HERPUD2: variants seen among roughly 807,000 people sequenced by gnomAD.
The protein encoded by HERPUD2 is HERPUD family member 2.
Under a neutral mutation model 49.9 loss-of-function variants are expected in HERPUD2, and 13 were observed. That is an observed-to-expected ratio of 0.26 (90% CI 0.17 to 0.41). HERPUD2 has a LOEUF of 0.41. Among genes scored for constraint, HERPUD2 ranks in the 10% least tolerant of loss-of-function variants. The pLI is 1.00. For synonymous variants in HERPUD2, 172 were observed against 171.4 expected, an observed-to-expected ratio of 1.00 and a Z score of -0.03; for missense variants, 449 against 492.2, an observed-to-expected ratio of 0.91 and a Z score of 0.83.
intron 5 of HERPUD2, among the ~76,000 whole-genome samples, chr7:35,648,413 A>G (rs1338617817): frequency 6.6e-6 from 1 of 152,192 alleles, no homozygotes; most frequent in African/African-American, 2.4e-5. Flanking sequence ...TACCTGGCTC[A>G]TAACAGTAGA....
intron 2 of HERPUD2, among the ~76,000 whole-genome samples, chr7:35,688,437 A>G (rs986066568): frequency 1.3e-5 from 2 of 152,216 alleles, no homozygotes; most frequent in African/African-American, 4.8e-5. Context: ...GATATATGAT[A>G]TTCACACACC....
At chr7:35,662,152 T>C (rs1049357533) in intron 5 of HERPUD2, among the ~76,000 whole-genome samples, 3 of 152,244 alleles carry the variant, frequency 2.0e-5, no homozygotes, top group African/African-American at 7.2e-5. Context: ...CTGTCTTTAG[T>C]TCTGTTTATA....
chr7:35,662,992 C>A (rs1372831533), intron 5 of HERPUD2, among the ~76,000 whole-genome samples: 6 of 152,202 alleles, frequency 3.9e-5, no homozygotes, highest in Non-Finnish European at 7.3e-5. Flanking sequence ...CTCCTGCTTT[C>A]TCTTGTGGGC....
intron 6 of HERPUD2, among the ~76,000 whole-genome samples, chr7:35,637,541 T>C (rs920681501): frequency 1.3e-5 from 2 of 152,174 alleles, no homozygotes; most frequent in Non-Finnish European, 2.9e-5. Flanking sequence ...CATTCCCCTA[T>C]GGAAATCTTC....
intron 2 of HERPUD2, among the ~76,000 whole-genome samples, chr7:35,678,241 A>T (rs1252405837): frequency 1.1e-4 from 6 of 56,908 alleles, no homozygotes; most frequent in African/African-American, 1.9e-4. Context: ...CACATTATTA[A>T]AAAAAAAAAA....
At chr7:35,634,203 C>A in intron 8 of HERPUD2, 109 bp downstream of exon 8, 2 of 714,520 alleles carry the variant, frequency 2.8e-6, no homozygotes, top group South Asian at 3.9e-5. Context: ...CTTTCATGTG[C>A]CATTTCACAA....
intron 5 of HERPUD2, among the ~76,000 whole-genome samples, chr7:35,659,671 C>A (rs907410102): frequency 1.3e-4 from 20 of 152,166 alleles, no homozygotes; most frequent in African/African-American, 4.3e-4. Flanking sequence ...GATTCAAACC[C>A]AGGCAGGCTG....
intron 5 of HERPUD2, among the ~76,000 whole-genome samples, chr7:35,653,585 C>T (rs529652632): frequency 1.3e-5 from 2 of 151,622 alleles, no homozygotes; most frequent in East Asian, 3.9e-4. Context: ...CAGAACATTT[C>T]ATCCAACAGG....
intron 2 of HERPUD2, among the ~76,000 whole-genome samples, chr7:35,686,197 T>C (rs1024271396): frequency 6.8e-5 from 10 of 146,752 alleles, no homozygotes; most frequent in Non-Finnish European, 1.4e-4. Flanking sequence ...TTTTCTTTTC[T>C]TTTTTTTTTG....
At chr7:35,673,336 G>A (rs1785684674) in intron 2 of HERPUD2, 58 bp from the exon 3 acceptor site, 3 of 1,306,286 alleles carry the variant, frequency 2.3e-6, no homozygotes, top group Non-Finnish European at 3.3e-6. Context: ...ATTGAAGGTT[G>A]GGAATAACAT....
chr7:35,660,967 G>C (rs1186985590), intron 5 of HERPUD2, among the ~76,000 whole-genome samples: 2 of 152,152 alleles, frequency 1.3e-5, no homozygotes, highest in East Asian at 3.8e-4. Flanking sequence ...CCTATGTCCT[G>C]AATGGTATTG....
intron 2 of HERPUD2, among the ~76,000 whole-genome samples, chr7:35,684,723 G>A (rs1372277359): frequency 6.6e-6 from 1 of 152,108 alleles, no homozygotes; most frequent in Non-Finnish European, 1.5e-5. Context: ...AGAATGACAC[G>A]ATGGACTTTG....
chr7:35,660,215 T>C (rs144985146), intron 5 of HERPUD2, among the ~76,000 whole-genome samples: 11,385 of 152,310 alleles, frequency 0.075, 598 homozygotes, highest in South Asian at 0.21. Context: ...ACGTATCCTT[T>C]TTTATGGCGG....
intron 2 of HERPUD2, among the ~76,000 whole-genome samples, chr7:35,676,845 A>G (rs1245693368): frequency 6.6e-6 from 1 of 152,190 alleles, no homozygotes; most frequent in Non-Finnish European, 1.5e-5. Context: ...GTAATCTCAA[A>G]TTAACAATAA....
At chr7:35,633,906 A>G in intron 8 of HERPUD2, 55 bp from the exon 9 acceptor site, 1 of 1,513,146 alleles carries the variant, frequency 6.6e-7, no homozygotes, top group Non-Finnish European at 9.1e-7. Flanking sequence ...GCATTAGCTC[A>G]TAATAGAATA....
chr7:35,681,518 C>A (rs536151556), intron 2 of HERPUD2, among the ~76,000 whole-genome samples: 126 of 152,084 alleles, frequency 8.3e-4, no homozygotes, highest in African/African-American at 2.9e-3. Context: ...AAAACTTGTA[C>A]AAGAATGTTC....
chr7:35,633,945 T>A, intron 8 of HERPUD2, 94 bp from the exon 9 acceptor site: 1 of 1,256,848 alleles, frequency 8.0e-7, no homozygotes, highest in Non-Finnish European at 1.1e-6. Flanking sequence ...AACAAAGGAC[T>A]ATGAAGTGGT....
chr7:35,673,093 G>T lies in HERPUD2; in HGVS notation c.225+108C>A, dbSNP rs111612275. 12 of 729,888 alleles carry T rather than the reference G, an allele frequency of 1.6e-5. No homozygotes were observed. The African/African-American group carries it at 1.8e-4, about 11-fold the overall frequency. 45.2% of individuals were successfully genotyped at this position (729,888 alleles called of 1,614,324 possible). A position where few individuals can be genotyped will look rare whatever the true frequency, so the allele number is the denominator to read the frequency against. ...CTTTACTTGTTACACCACGCAAAGG[G>T]ATTGATTTTAAGTATCTAAAAACTG... On this transcript the variant is annotated intron_variant, in intron 3 of 8. Coordinates refer to ENST00000311350, the MANE Select transcript of HERPUD2 (RefSeq NM_022373.5).
At chr7:35,650,193 A>G (rs1785134249) in intron 5 of HERPUD2, among the ~76,000 whole-genome samples, 1 of 152,180 alleles carries the variant, frequency 6.6e-6, no homozygotes, top group African/African-American at 2.4e-5. Flanking sequence ...AGATCACCTA[A>G]GGGAGAATGC....
Sources: gnomAD v4.1 joint callset for allele counts (sites outside exome capture counted in the v4.1 genomes callset) on GRCh38, gnomAD v4.1.1 for gene constraint, MANE v1.5 for transcripts, NCBI Gene and HGNC (gene_info 2026-07-23, HGNC 2026-07-21) for gene names.